Variants in C19orf81 observed in about 807,000 individuals in gnomAD.
C19orf81 encodes the protein chromosome 19 open reading frame 81, also known as putative uncharacterized protein C19orf81.
C19orf81 carries 19 observed loss-of-function variants against 22.1 expected under a neutral mutation model. The observed-to-expected ratio is 0.86, with a 90% CI of 0.60 to 1.26. The LOEUF is 1.26. Among genes scored for constraint, C19orf81 ranks in the 50% most tolerant of loss-of-function variants. C19orf81 has a pLI of 0.00. For synonymous variants in C19orf81, 108 were observed against 113.1 expected (o/e 0.95, Z 0.29); for missense variants, 287 against 280.7 (o/e 1.02, Z -0.16).
chr19:50,653,950 G>A (rs765433272), intron 1 of C19orf81, among the ~76,000 whole-genome samples: 2 of 152,006 alleles, frequency 1.3e-5, no homozygotes, highest in South Asian at 2.1e-4. Flanking sequence ...AAAAGCAGCC[G>A]TCGGCTCTGA....
chr19:50,659,007 T>A lies in C19orf81; in HGVS notation c.462T>A (p.Ser154Arg). 6.5e-7 allele frequency: 1 copy of A among 1,528,398 alleles called. No individual in the cohort carries two copies. Among genetic ancestry groups the A allele is most frequent in the South Asian group, 1.2e-5 (1 of 82,944 alleles). 94.7% of individuals were successfully genotyped at this position (1,528,398 alleles called of 1,614,324 possible). A position where few individuals can be genotyped will look rare whatever the true frequency, so the allele number is the denominator to read the frequency against. Residue 154 changes from serine to arginine, a missense_variant, in exon 5 of 5, where the codon AGT becomes AGA. Coordinates refer to ENST00000425202, the MANE Select transcript of C19orf81 (RefSeq NM_001195076.2). ...TRSRLLRSGL[S>R]PRGLAHQIVR... The stretch of plus-strand genomic sequence containing the variant: ...CGCGCTTGCTGCGCTCCGGGCTCAG[T>A]CCCCGCGGGCTTGCGCACCAGATCG...
In C19orf81 at chr19:50,659,224, G is replaced by A; in HGVS notation, c.*82G>A. On this transcript the variant is annotated 3_prime_UTR_variant, in exon 5 of 5. Coordinates refer to ENST00000425202, the MANE Select transcript of C19orf81 (RefSeq NM_001195076.2). ...CCCGGAGCCCCGGAGGACAGGGGGC[G>A]TTGCCTTCCCAGGAAGGAGGCGGGG... 2 of 1,179,122 alleles carry A rather than the reference G, an allele frequency of 1.7e-6. No homozygotes were observed. The highest frequency in any genetic ancestry group is 3.2e-5 in the South Asian group (1 of 31,252). The allele number at this position is 1,179,122 out of a possible 1,614,324, so 73.0% of individuals were successfully genotyped here. A position where few individuals can be genotyped will look rare whatever the true frequency, so the allele number is the denominator to read the frequency against.
rs540911652 is a variant in C19orf81, at chr19:50,656,098, G to A, written c.116G>A (p.Ser39Asn). Residue 39 changes from serine (S) to asparagine (N), a missense_variant, in exon 2 of 5, where the codon AGC becomes AAC. By Grantham distance (46) the Ser-to-Asn change is conservative. Transcript: ENST00000425202. ...LETPEEMQAR[S>N]LGRPIKSSKQ... ...ACCCCAGAGGAGATGCAGGCTCGGA[G>A]CCTGGGCAGGCCCATCAAATCCTCG... is the stretch of plus-strand genomic sequence containing the variant. 13 of 1,536,138 alleles carry A rather than the reference G, an allele frequency of 8.5e-6. No homozygotes were observed. Among genetic ancestry groups the A allele is most frequent in the South Asian group, 2.4e-5 (2 of 84,068 alleles).
At chr19:50,652,144 C>T (rs978277293) in intron 1 of C19orf81, among the ~76,000 whole-genome samples, 18 of 152,098 alleles carry the variant, frequency 1.2e-4, no homozygotes, top group South Asian at 8.3e-4. Context: ...CCACCATGCC[C>T]GGCCTATAAT....
rs749206263 is a variant in C19orf81, at chr19:50,656,285, G to A, written c.200G>A (p.Cys67Tyr). Residue 67 changes from cysteine to tyrosine, a missense_variant, in exon 3 of 5, where the codon TGC (cysteine) becomes TAC (tyrosine). Cys to Tyr is a radical substitution (Grantham distance 194, BLOSUM62 -2). Transcript: ENST00000425202. Reference protein sequence around the residue: ...EYEALDRELPCIRKFPTPPAS... With the variant: ...EYEALDRELPYIRKFPTPPAS... ...GAGGCACTGGACCGAGAACTCCCGT[G>A]CATCCGGAAGTTCCCCACACCACCA... The A allele has an allele frequency of 6.5e-7, 1 of 1,536,164 alleles. No homozygotes were observed. Among genetic ancestry groups the A allele is most frequent in the South Asian group, 1.2e-5 (1 of 84,062 alleles).
rs181692749 is a variant in C19orf81, at chr19:50,649,906, T to C, written c.67+395T>C. 77 of 452,678 alleles carry C rather than the reference T, an allele frequency of 1.7e-4. No individual in the cohort carries two copies. In the East Asian group the frequency reaches 4.5e-3, roughly 27 times the overall value. The allele number at this position is 452,678 out of a possible 1,614,324, so 28.0% of individuals were successfully genotyped here. A position where few individuals can be genotyped will look rare whatever the true frequency, so the allele number is the denominator to read the frequency against. ...ATGGCCCCACCGCCAACCCAGTCAC[T>C]GGTGCCATCCTTCCACCTCCCACAA... On this transcript the variant is annotated intron_variant, in intron 1 of 4. Coordinates refer to ENST00000425202, the MANE Select transcript of C19orf81 (RefSeq NM_001195076.2).
Position 50,659,087 on chromosome 19 carries a change from T to A in C19orf81, c.542T>A (p.Leu181Gln). The A allele has an allele frequency of 1.3e-6, 2 of 1,507,472 alleles. No individual in the cohort carries two copies. The highest frequency in any genetic ancestry group is 1.8e-6 in the Non-Finnish European group (2 of 1,132,002). 93.4% of individuals were successfully genotyped at this position (1,507,472 alleles called of 1,614,324 possible). The change falls in exon 5 of 5, where the codon CTG becomes CAG. Residue 181 changes from leucine to glutamine, a missense_variant. Coordinates refer to ENST00000425202, the MANE Select transcript of C19orf81 (RefSeq NM_001195076.2). The stretch of plus-strand genomic sequence containing the variant: ...TACCGCCTGCACCTGCGCCGCTCCC[T>A]GGTCCGGCGGCGCATGCTCGAGGCC... ...GDYRLHLRRS[L>Q]VRRRMLEALG...
chr19:50,654,947 C>T (rs1984961783), intron 1 of C19orf81, among the ~76,000 whole-genome samples: 1 of 152,136 alleles, frequency 6.6e-6, no homozygotes, highest in African/African-American at 2.4e-5. Flanking sequence ...AGAGTTCCTC[C>T]CATACTGTTG....
chr19:50,656,178 C>T (rs1406408989), intron 2 of C19orf81, 48 bp from the exon 3 acceptor site: 2 of 1,536,116 alleles, frequency 1.3e-6, no homozygotes, highest in Non-Finnish European at 1.7e-6. Flanking sequence ...AATGTGATGG[C>T]AGTGAACCCT....
At chr19:50,653,077 G>A (rs562168173) in intron 1 of C19orf81, among the ~76,000 whole-genome samples, 35 of 152,116 alleles carry the variant, frequency 2.3e-4, no homozygotes, top group Middle Eastern at 3.4e-3. Context: ...TTGCTTTGTC[G>A]CCCAGGATGC....
At chr19:50,657,508 T>C (rs888445115) in intron 3 of C19orf81, among the ~76,000 whole-genome samples, 6 of 152,212 alleles carry the variant, frequency 3.9e-5, no homozygotes, top group Non-Finnish European at 8.8e-5. Context: ...GAATGTTAAA[T>C]AGATTGACAA....
chr19:50,659,036 G>C lies in C19orf81; in HGVS notation c.491G>C (p.Arg164Pro). 1 of 1,529,564 alleles carries C rather than the reference G, an allele frequency of 6.5e-7. No homozygotes were observed. The highest frequency in any genetic ancestry group is 8.7e-7 in the Non-Finnish European group (1 of 1,143,494). 94.7% of individuals were successfully genotyped at this position (1,529,564 alleles called of 1,614,324 possible). A position where few individuals can be genotyped will look rare whatever the true frequency, so the allele number is the denominator to read the frequency against. ...CGCGGGCTTGCGCACCAGATCGTGC[G>C]CCACGACGACCTCCTGCTGGGCGAC... ...SPRGLAHQIVRHDDLLLGDYR... is the reference protein window; with the variant it reads ...SPRGLAHQIVPHDDLLLGDYR... The change falls in exon 5 of 5, where the codon CGC (arginine) becomes CCC (proline). Residue 164 changes from arginine to proline, a missense_variant. Arg to Pro is a moderately radical substitution (Grantham distance 103). Coordinates refer to ENST00000425202, the MANE Select transcript of C19orf81 (RefSeq NM_001195076.2).
chr19:50,655,100 T>C (rs570357147), intron 1 of C19orf81, among the ~76,000 whole-genome samples: 47 of 152,158 alleles, frequency 3.1e-4, no homozygotes, highest in Non-Finnish European at 6.0e-4. Flanking sequence ...TAACACTTCA[T>C]TGGTGAGAGC....
At chr19:50,652,086 C>A (rs535507882) in intron 1 of C19orf81, among the ~76,000 whole-genome samples, 1 of 152,142 alleles carries the variant, frequency 6.6e-6, no homozygotes, top group Non-Finnish European at 1.5e-5. Context: ...TGGGCTCAAG[C>A]GATCCTCCTG....
chr19:50,655,390 C>T (rs1984972378), intron 1 of C19orf81, among the ~76,000 whole-genome samples: 1 of 152,108 alleles, frequency 6.6e-6, no homozygotes, highest in South Asian at 2.1e-4. Context: ...GTGGCTTATG[C>T]CTGTAATCCC....
At chr19:50,655,793 T>A (rs146231285) in intron 1 of C19orf81, among the ~76,000 whole-genome samples, 343 of 152,302 alleles carry the variant, frequency 2.3e-3, no homozygotes, top group African/African-American at 7.7e-3. Context: ...CCTTGCAGGC[T>A]CCCACTGGCG....
chr19:50,656,282 C>T lies in C19orf81; in HGVS notation c.197C>T (p.Pro66Leu), dbSNP rs1335945274. The T allele has an allele frequency of 1.1e-5, 17 of 1,536,152 alleles. No individual in the cohort carries two copies. The highest frequency in any genetic ancestry group is 7.3e-5 in the East Asian group (3 of 40,920). Residue 66 changes from proline (P) to leucine (L), a missense_variant, in exon 3 of 5, where the codon CCG becomes CTG. By Grantham distance (98) the Pro-to-Leu change is moderately conservative. Coordinates refer to ENST00000425202, the MANE Select transcript of C19orf81 (RefSeq NM_001195076.2). ...TACGAGGCACTGGACCGAGAACTCC[C>T]GTGCATCCGGAAGTTCCCCACACCA... ...AEYEALDREL[P>L]CIRKFPTPPA... is the part of the protein sequence containing the mutation.
At chr19:50,655,478 G>A (rs547670701) in intron 1 of C19orf81, among the ~76,000 whole-genome samples, 67 of 152,070 alleles carry the variant, frequency 4.4e-4, no homozygotes, top group South Asian at 1.9e-3. Context: ...GTGAAACCCC[G>A]TCTCTACTAA....
rs57915687 is a variant in C19orf81, at chr19:50,653,682, G to GCACA, written c.68-2312_68-2309dup. On this transcript the variant is annotated intron_variant, in intron 1 of 4. Coordinates refer to ENST00000425202, the MANE Select transcript of C19orf81 (RefSeq NM_001195076.2). ...TGTTGACTTATTGTAATGAGAGACAGCACACACACACACACACACACACAC... is the reference window on the plus strand; with the variant it reads ...TGTTGACTTATTGTAATGAGAGACAGCACACACACACACACACACACACACACAC... Among the ~76,000 whole-genome samples, 772 of 121,898 alleles carry GCACA rather than the reference G, an allele frequency of 6.3e-3. 6 individuals are homozygous for GCACA. The highest frequency in any genetic ancestry group is 0.01 in the East Asian group (39 of 3,760). The allele number at this position is 121,898 out of a possible 152,430, so 80.0% of individuals were successfully genotyped here. A position where few individuals can be genotyped will look rare whatever the true frequency, so the allele number is the denominator to read the frequency against.
Sources: allele counts gnomAD v4.1 joint callset (sites outside exome capture counted in the v4.1 genomes callset), GRCh38; gene constraint gnomAD v4.1.1; transcripts MANE v1.5; gene names NCBI Gene and HGNC (gene_info 2026-07-23, HGNC 2026-07-21).